The following TMEM132B variants were observed in gnomAD, a reference collection of about 807,000 sequenced individuals.
TMEM132B encodes transmembrane protein 132B.
In TMEM132B, 18 loss-of-function variants were observed where a neutral mutation model predicts 90.8. The ratio of observed to expected loss-of-function variants is 0.20; its 90% CI spans 0.14 to 0.29. TMEM132B has a LOEUF of 0.29. TMEM132B is among the 10% of genes least tolerant of loss of function. TMEM132B has a pLI of 1.00. For missense variants in TMEM132B, 1,096 were observed against 1,326.8 expected, an observed-to-expected ratio of 0.83 and a Z score of 2.70; for synonymous variants, 504 against 523.3, an observed-to-expected ratio of 0.96 and a Z score of 0.50.
At chr12:125,245,117 T>C (rs1874176925) in intron 1 of TMEM132B, among the ~76,000 whole-genome samples, 1 of 152,196 alleles carries the variant, frequency 6.6e-6, no homozygotes, top group Admixed American at 6.5e-5. Flanking sequence ...TTGAAATAAT[T>C]CTAAGGCAAC....
intron 5 of TMEM132B, chr12:125,588,137 T>G (rs1161127640): frequency 6.6e-6 from 1 of 152,180 alleles, no homozygotes; most frequent in African/African-American, 2.4e-5. Flanking sequence ...TTGGTTGAGC[T>G]TCCAGACATG....
chr12:125,595,337 C>A (rs1474387192), intron 5 of TMEM132B, among the ~76,000 whole-genome samples: 1 of 152,140 alleles, frequency 6.6e-6, no homozygotes, highest in African/African-American at 2.4e-5. Flanking sequence ...ATTAATGTCG[C>A]TGCTCATGGA....
chr12:125,411,134 G>GGAGT (rs1879815068), intron 2 of TMEM132B, among the ~76,000 whole-genome samples: 1 of 58,700 alleles, frequency 1.7e-5, no homozygotes, highest in South Asian at 7.0e-4. Flanking sequence ...TGGAGTGAGT[G>GGAGT]GAGTGGAGTG....
chr12:125,532,533 G>A (rs76688923), intron 4 of TMEM132B, among the ~76,000 whole-genome samples: 1 of 144,210 alleles, frequency 6.9e-6, no homozygotes, highest in Admixed American at 7.0e-5. Context: ...TTTTTTTTTC[G>A]AGACAGAGTC....
In TMEM132B at chr12:125,652,514, C is replaced by T. The variant is rs16919359; in HGVS notation, c.1988C>T (p.Ala663Val). The T allele has an allele frequency of 0.26, 411,916 of 1,595,802 alleles. 54,499 individuals carry two copies. The highest frequency in any genetic ancestry group is 0.48 in the African/African-American group (35,830 of 74,254). The change falls in exon 8 of 9, where the codon GCG becomes GTG. Residue 663 changes from alanine (A) to valine (V), a missense_variant. By Grantham distance (64) the Ala-to-Val change is moderately conservative (BLOSUM62 0). Transcript: ENST00000682704. The part of the protein sequence containing the change: ...VIVLDDRVTI[A>V]ELGVQLVAGM... ...GTCCTGGATGACCGAGTCACCATCG[C>T]GGAGCTGGGAGTGCAGCTCGTAGCT...
chr12:125,601,669 A>G (rs1384931100), intron 5 of TMEM132B, among the ~76,000 whole-genome samples: 1 of 152,202 alleles, frequency 6.6e-6, no homozygotes, highest in Non-Finnish European at 1.5e-5. Flanking sequence ...AAATCAATGA[A>G]TCCAGGAGCT....
chr12:125,502,003 AGT>A (rs1041931575), intron 3 of TMEM132B, among the ~76,000 whole-genome samples: 3 of 152,086 alleles, frequency 2.0e-5, no homozygotes, highest in African/African-American at 7.2e-5. Context: ...TATCTGCATG[AGT>A]GTGTGTGTGC....
chr12:125,476,809 G>A (rs949225222), intron 3 of TMEM132B, among the ~76,000 whole-genome samples: 1 of 152,172 alleles, frequency 6.6e-6, no homozygotes, highest in Admixed American at 6.5e-5. Context: ...AGGCCTGAAT[G>A]CCAGTTGGAT....
At chr12:125,639,833 A>T (rs1886582840) in intron 5 of TMEM132B, among the ~76,000 whole-genome samples, 1 of 152,182 alleles carries the variant, frequency 6.6e-6, no homozygotes, top group Non-Finnish European at 1.5e-5. Flanking sequence ...GGCATTTGAG[A>T]TGCAGTCCTA....
rs868369448 is a variant in TMEM132B at position 125,613,119 on chromosome 12, C to G, written c.1437+29125C>G. 2.6e-5 allele frequency among the ~76,000 whole-genome samples: 2 copies of G among 76,290 alleles called. 1 individual carries two copies. Among genetic ancestry groups the G allele is most frequent in the Non-Finnish European group, 5.0e-5 (2 of 39,994 alleles). 50.0% of individuals were successfully genotyped at this position (76,290 alleles called of 152,430 possible). ...TATATTTATATATTAAAATATATAT[C>G]ATATATATTTATATATTATATATAA... On this transcript the variant is annotated intron_variant, in intron 5 of 8. Transcript: ENST00000682704.
At chr12:125,228,779 G>T (rs1311760625) in intron 1 of TMEM132B, among the ~76,000 whole-genome samples, 1 of 152,130 alleles carries the variant, frequency 6.6e-6, no homozygotes, top group African/African-American at 2.4e-5. Context: ...CTCCAGAGAG[G>T]GATCCTGATT....
At chr12:125,573,276 G>T (rs1453296846) in intron 4 of TMEM132B, among the ~76,000 whole-genome samples, 1 of 152,108 alleles carries the variant, frequency 6.6e-6, no homozygotes, top group Non-Finnish European at 1.5e-5. Context: ...ACACATGTAT[G>T]TCCCTGCTCC....
chr12:125,517,710 C>T (rs768263749), intron 3 of TMEM132B, among the ~76,000 whole-genome samples: 6 of 152,090 alleles, frequency 3.9e-5, no homozygotes, highest in Admixed American at 2.6e-4. Flanking sequence ...AGTACACACC[C>T]ATTCCCTCAT....
chr12:125,542,492 A>G (rs1466737776), intron 4 of TMEM132B, among the ~76,000 whole-genome samples: 1 of 152,042 alleles, frequency 6.6e-6, no homozygotes, highest in Non-Finnish European at 1.5e-5. Flanking sequence ...TTCAACACTA[A>G]CTCCCTATTC....
chr12:125,431,597 C>T (rs1016892330), intron 3 of TMEM132B, among the ~76,000 whole-genome samples: 1 of 152,120 alleles, frequency 6.6e-6, no homozygotes, highest in Non-Finnish European at 1.5e-5. Context: ...GGCTGCTTTT[C>T]TTCCCCCTGA....
At chr12:125,554,069 A>T (rs1230865760) in intron 4 of TMEM132B, among the ~76,000 whole-genome samples, 2 of 152,210 alleles carry the variant, frequency 1.3e-5, no homozygotes, top group Non-Finnish European at 2.9e-5. Flanking sequence ...TATTTAGCAT[A>T]TTGTAATTTA....
chr12:125,511,398 A>C (rs1882974543), intron 3 of TMEM132B, among the ~76,000 whole-genome samples: 1 of 152,208 alleles, frequency 6.6e-6, no homozygotes, highest in Non-Finnish European at 1.5e-5. Flanking sequence ...AGTCGGTTCC[A>C]GGAACTGCAA....
In TMEM132B at chr12:125,655,489, A is replaced by C. The variant is rs1224583498; in HGVS notation, c.*779A>C. On this transcript the variant is annotated 3_prime_UTR_variant, in exon 9 of 9. Transcript: ENST00000682704. The stretch of plus-strand genomic sequence containing the variant: ...GACAAAGGGTTTTACTTAAAATGTT[A>C]ATATACAGTGAGGGAGGGCCATCTC... The C allele has an allele frequency of 1.3e-5, 2 of 152,232 alleles. No individual in the cohort carries two copies. The highest frequency in any genetic ancestry group is 1.3e-4 in the Admixed American group (2 of 15,278). The allele number at this position is 152,232 out of a possible 1,614,324, so 9.4% of individuals were successfully genotyped here.
intron 1 of TMEM132B, among the ~76,000 whole-genome samples, chr12:125,310,546 T>G (rs1289583938): frequency 6.6e-6 from 1 of 151,962 alleles, no homozygotes; most frequent in African/African-American, 2.4e-5. Context: ...GGCCTATAAG[T>G]TAGACTGCCC....
Sources: allele counts gnomAD v4.1 joint callset (sites outside exome capture counted in the v4.1 genomes callset), GRCh38; gene constraint gnomAD v4.1.1; transcripts MANE v1.5; gene names NCBI Gene and HGNC (gene_info 2026-07-23, HGNC 2026-07-21).